The following MPP3 variants were observed in gnomAD, a reference collection of about 807,000 sequenced individuals.
MPP3 encodes MAGUK p55 subfamily member 3.
In MPP3, 48 loss-of-function variants were observed where a neutral mutation model predicts 80.7. That is an observed-to-expected ratio of 0.59 (90% CI 0.47 to 0.76). The LOEUF (loss-of-function observed/expected upper bound fraction) is 0.76. Among genes scored for constraint, MPP3 ranks in the 30% least tolerant of loss-of-function variants. The pLI, the probability that MPP3 is intolerant of heterozygous loss-of-function variation, is 0.00. For synonymous variants in MPP3, 311 were observed against 297.6 expected (o/e 1.04, Z -0.46); for missense variants, 620 against 763.0 (o/e 0.81, Z 2.21).
chr17:43,825,466 C>CACCCAGG (rs2045651520), intron 9 of MPP3: 1 of 316,720 alleles, frequency 3.2e-6, no homozygotes, highest in Non-Finnish European at 5.9e-6. Context: ...CCAGGATTCA[C>CACCCAGG]ACCCAGGACC....
At chr17:43,825,537 G>A in intron 9 of MPP3, 1 of 505,852 alleles carries the variant, frequency 2.0e-6, no homozygotes, top group Non-Finnish European at 3.6e-6. Context: ...CTGTGCTGAG[G>A]AGAAGGTCTA....
At position 43,803,115 on chromosome 17, in the gene MPP3, CT is replaced by C. The variant is rs528750503; in HGVS notation, c.1582-1239del. ...ATATTCTTGCAGGGCTACTTTCATA[CT>C]CAGAAGCCCTATCCCGTAACTGCCC... On this transcript the variant is annotated intron_variant, in intron 19 of 19. Transcript: ENST00000398389. Among the ~76,000 whole-genome samples, 91 of 152,248 alleles carry C rather than the reference CT, an allele frequency of 6.0e-4. 2 individuals carry two copies. In the South Asian group the frequency reaches 0.018, roughly 31 times the overall value.
intron 7 of MPP3, 52 bp downstream of exon 7, chr17:43,829,602 G>T: frequency 6.3e-7 from 1 of 1,598,772 alleles, no homozygotes; most frequent in Non-Finnish European, 8.5e-7. Context: ...TCTGGGTGGG[G>T]GTGAGAGGCA....
At chr17:43,808,613 C>T (rs939352730) in intron 19 of MPP3, among the ~76,000 whole-genome samples, 2 of 152,166 alleles carry the variant, frequency 1.3e-5, no homozygotes, top group African/African-American at 4.8e-5. Context: ...TGGATTTGGC[C>T]TAGGAGTATA....
intron 19 of MPP3, among the ~76,000 whole-genome samples, chr17:43,803,848 A>G (rs189656125): frequency 8.5e-5 from 13 of 152,262 alleles, no homozygotes; most frequent in African/African-American, 2.9e-4. Flanking sequence ...TCACAGCTGC[A>G]GTGTGGTGGA....
At chr17:43,827,582 C>G (rs1254203641) in intron 8 of MPP3, among the ~76,000 whole-genome samples, 169 bp downstream of exon 8, 1 of 152,082 alleles carries the variant, frequency 6.6e-6, no homozygotes, top group African/African-American at 2.4e-5. Context: ...AAAATTTCTA[C>G]TGACTTGGGA....
intron 16 of MPP3, among the ~76,000 whole-genome samples, chr17:43,812,652 T>C (rs561557190): frequency 6.6e-6 from 1 of 152,122 alleles, no homozygotes; most frequent in South Asian, 2.1e-4. Context: ...CTTCCCTGAC[T>C]CCCCCAGTTT....
Position 43,801,806 on chromosome 17 carries a change from G to A in MPP3, c.1653C>T (p.Ala551=), listed in dbSNP as rs536252437. The A allele has an allele frequency of 4.3e-6, 7 of 1,614,092 alleles. No individual in the cohort carries two copies. The African/African-American group carries it at 5.3e-5, about 12-fold the overall frequency. ...CCTGGAGATCCTCCTTCACCAGCAC[G>A]GCGTCTACCAGGTGCCCGTAATGCC... ...IDRHYGHLVD[A]VLVKEDLQGA... The change falls in exon 20 of 20, where the codon GCC becomes GCT. Residue 551 remains alanine, a synonymous_variant. Transcript: ENST00000398389.
chr17:43,824,252 CG>C (rs1353323558), intron 9 of MPP3, among the ~76,000 whole-genome samples: 1 of 152,062 alleles, frequency 6.6e-6, no homozygotes, highest in Non-Finnish European at 1.5e-5. Context: ...TTAGCAGTGG[CG>C]GGTTGGTAAC....
rs749533446 is a variant in MPP3, at chr17:43,831,264, C to T, written c.202G>A (p.Ala68Thr). Residue 68 changes from alanine (A) to threonine (T), a missense_variant, in exon 5 of 20, where the codon GCT becomes ACT. Ala to Thr is a moderately conservative substitution (Grantham distance 58, BLOSUM62 0). Coordinates refer to ENST00000398389, the MANE Select transcript of MPP3 (RefSeq NM_001932.6). The stretch of plus-strand genomic sequence containing the variant: ...CTTACGTCCTCAGCGAGGGCCACAG[C>T]GCTGTGCAGAACTGGGGTTGGACTT... ...RQSPTPVLHS[A>T]VALAEDVMEE... 2.5e-6 allele frequency: 4 copies of T among 1,614,068 alleles called. No homozygotes were observed. The highest frequency in any genetic ancestry group is 2.2e-5 in the East Asian group (1 of 44,884).
chr17:43,811,576 GT>G (rs376000535), intron 16 of MPP3: 2,751 of 168,184 alleles, frequency 0.016, 80 homozygotes, highest in African/African-American at 0.062. Flanking sequence ...CTGATGCTGT[GT>G]TTTTTTTTTG....
rs776300040 is a variant in MPP3, at chr17:43,811,145, T to C, written c.1316A>G (p.Lys439Arg). Reference protein sequence around the residue: ...KEGVEYHFVSKQAFEADLHHN... With the variant: ...KEGVEYHFVSRQAFEADLHHN... ...ATGTAAGTCGGCCTCAAATGCTTGC[T>C]TAGACACAAAGTGATATTCCACTCC... is the stretch of plus-strand genomic sequence containing the variant. Residue 439 changes from lysine (K) to arginine (R), a missense_variant, in exon 17 of 20, where the codon AAG becomes AGG. Coordinates refer to ENST00000398389, the MANE Select transcript of MPP3 (RefSeq NM_001932.6). The C allele has an allele frequency of 1.2e-6, 2 of 1,614,220 alleles. No individual in the cohort carries two copies. The highest frequency in any genetic ancestry group is 3.3e-5 in the Admixed American group (2 of 60,024).
intron 8 of MPP3, 52 bp from the exon 9 acceptor site, chr17:43,825,893 C>T (rs1301539101): frequency 8.6e-7 from 1 of 1,161,018 alleles, no homozygotes; most frequent in Non-Finnish European, 1.3e-6. Flanking sequence ...CTGAGCACCC[C>T]TCGCTCAGAG....
intron 18 of MPP3, among the ~76,000 whole-genome samples, chr17:43,810,096 T>G (rs1241844916): frequency 6.6e-6 from 1 of 152,232 alleles, no homozygotes; most frequent in Non-Finnish European, 1.5e-5. Context: ...TTTTCCTTTA[T>G]AGGCATAACG....
chr17:43,832,329 T>C (rs2046005439), intron 2 of MPP3: 1 of 257,694 alleles, frequency 3.9e-6, no homozygotes, highest in African/African-American at 2.3e-5. Context: ...CCTGACAGTG[T>C]CAGCTGTCCT....
chr17:43,809,602 A>G (rs1336165820), intron 18 of MPP3, among the ~76,000 whole-genome samples: 1 of 152,158 alleles, frequency 6.6e-6, no homozygotes, highest in East Asian at 1.9e-4. Flanking sequence ...CTCTTGGGCC[A>G]GGTGCGGTGG....
chr17:43,818,877 A>C (rs2045285316), intron 11 of MPP3: 1 of 151,518 alleles, frequency 6.6e-6, no homozygotes, highest in African/African-American at 2.4e-5. Context: ...TGGAGGTTGC[A>C]GTGAGCTGAG....
Position 43,801,383 on chromosome 17 carries a change from C to T in MPP3, c.*318G>A. The T allele has an allele frequency of 3.1e-6, 1 of 318,000 alleles. No homozygotes were observed. Among genetic ancestry groups the T allele is most frequent in the Non-Finnish European group, 5.9e-6 (1 of 170,930 alleles). 19.7% of individuals were successfully genotyped at this position (318,000 alleles called of 1,614,324 possible). A position where few individuals can be genotyped will look rare whatever the true frequency, so the allele number is the denominator to read the frequency against. On this transcript the variant is annotated 3_prime_UTR_variant, in exon 20 of 20. Coordinates refer to ENST00000398389, the MANE Select transcript of MPP3 (RefSeq NM_001932.6). ...TGCGAATCAGTACTGTATAAATTAA[C>T]CACTACCACCCACAAAAGACAGTGG...
At chr17:43,807,892 C>T (rs1324774824) in intron 19 of MPP3, among the ~76,000 whole-genome samples, 1 of 151,920 alleles carries the variant, frequency 6.6e-6, no homozygotes, top group Non-Finnish European at 1.5e-5. Context: ...CCCAGGAGTT[C>T]AAGGCTGCAG....
Sources: gnomAD v4.1 joint callset for allele counts (sites outside exome capture counted in the v4.1 genomes callset) on GRCh38, gnomAD v4.1.1 for gene constraint, MANE v1.5 for transcripts, NCBI Gene and HGNC (gene_info 2026-07-23, HGNC 2026-07-21) for gene names.